The following TMEM182 variants were observed in gnomAD, a reference collection of about 807,000 sequenced individuals.
The protein encoded by TMEM182 is transmembrane protein 182.
A neutral mutation model predicts 26.8 loss-of-function variants in TMEM182; 20 were observed. That is an observed-to-expected ratio of 0.75 (90% CI 0.53 to 1.09). The LOEUF is 1.09. Among genes scored for constraint, TMEM182 ranks in the 50% least tolerant of loss-of-function variants. The probability of loss-of-function intolerance (pLI) is 0.00; values close to 1 mark genes in which losing one functional copy is unlikely to be tolerated. For synonymous variants in TMEM182, 109 were observed against 102.2 expected, an observed-to-expected ratio of 1.07 and a Z score of -0.40; for missense variants, 277 against 275.5, an observed-to-expected ratio of 1.01 and a Z score of -0.04.
rs747863593 is a variant in TMEM182 at position 102,814,883 on chromosome 2, T to C, written c.605T>C (p.Phe202Ser). The C allele has an allele frequency of 1.5e-5, 25 of 1,613,882 alleles. No individual in the cohort carries two copies. The highest frequency in any genetic ancestry group is 2.1e-5 in the Non-Finnish European group (25 of 1,179,964). Residue 202 changes from phenylalanine (F) to serine (S), a missense_variant, in exon 5 of 5, where the codon TTC (phenylalanine) becomes TCC (serine). Transcript: ENST00000412401. ...TCTGTTCTGTATGGCTGGTCATTTTTCCTGGCCCCAGCTGGGATATTTTTT... is the reference window on the plus strand; with the variant it reads ...TCTGTTCTGTATGGCTGGTCATTTTCCCTGGCCCCAGCTGGGATATTTTTT... ...TPSVLYGWSFFLAPAGIFFSL... is the reference protein window; with the variant it reads ...TPSVLYGWSFSLAPAGIFFSL...
At chr2:102,817,942 A>C (rs1682810542), downstream of TMEM182, among the ~76,000 whole-genome samples, 1 of 152,240 alleles carries the variant, frequency 6.6e-6, no homozygotes, top group South Asian at 2.1e-4. Flanking sequence ...TGGTTTATTC[A>C]GTTCAACACG....
At chr2:102,811,850 A>G (rs976985062) in intron 4 of TMEM182, among the ~76,000 whole-genome samples, 2 of 152,118 alleles carry the variant, frequency 1.3e-5, no homozygotes, top group African/African-American at 4.8e-5. Flanking sequence ...CTTGTATTTT[A>G]TGCCCCAGCC....
intron 1 of TMEM182, among the ~76,000 whole-genome samples, chr2:102,751,277 G>A (rs1679868211): frequency 6.6e-6 from 1 of 152,132 alleles, no homozygotes; most frequent in African/African-American, 2.4e-5. Flanking sequence ...GATTGGCATA[G>A]GGCACACAGA....
At chr2:102,773,067 A>G (rs145780556) in intron 3 of TMEM182, among the ~76,000 whole-genome samples, 1 of 152,230 alleles carries the variant, frequency 6.6e-6, no homozygotes, top group African/African-American at 2.4e-5. Flanking sequence ...ATGGTAGTTA[A>G]TATTATGCCA....
At chr2:102,834,811 T>C (rs1394492965) in intron 3 of TMEM182, among the ~76,000 whole-genome samples, 1 of 152,198 alleles carries the variant, frequency 6.6e-6, no homozygotes. Context: ...AAGCCAAGCA[T>C]CCTTCGTTAA....
At chr2:102,780,805 A>G (rs573736188) in intron 3 of TMEM182, among the ~76,000 whole-genome samples, 3 of 152,278 alleles carry the variant, frequency 2.0e-5, no homozygotes, top group African/African-American at 7.2e-5. Flanking sequence ...GTGGGACTGC[A>G]GTATTTTGTA....
intron 3 of TMEM182, among the ~76,000 whole-genome samples, chr2:102,827,723 A>T (rs2104772511): frequency 6.6e-6 from 1 of 152,332 alleles, no homozygotes; most frequent in South Asian, 2.1e-4. Context: ...TCATTACCCT[A>T]CACCAGACTG....
At chr2:102,758,279 T>G (rs1680107145), upstream of TMEM182, 1 of 511,194 alleles carries the variant, frequency 2.0e-6, no homozygotes, top group South Asian at 3.2e-5. Context: ...GTTTGTAAAT[T>G]TGTGAAGAAC....
At chr2:102,822,397 G>A (rs1358146899), downstream of TMEM182, among the ~76,000 whole-genome samples, 1 of 152,146 alleles carries the variant, frequency 6.6e-6, no homozygotes, top group Non-Finnish European at 1.5e-5. Flanking sequence ...ACGATGTTTC[G>A]AGAAGCGACT....
At chr2:102,774,247 T>C (rs188473603) in intron 3 of TMEM182, among the ~76,000 whole-genome samples, 1 of 134,380 alleles carries the variant, frequency 7.4e-6, no homozygotes, top group African/African-American at 3.0e-5. Context: ...ACTTTCTTTC[T>C]TTCTTTTTTT....
rs1682691246 is a variant in TMEM182, at chr2:102,814,944, A to G, written c.666A>G (p.Gly222=). The G allele has an allele frequency of 6.2e-7, 1 of 1,613,848 alleles. No individual in the cohort carries two copies. Among genetic ancestry groups the G allele is most frequent in the Non-Finnish European group, 8.5e-7 (1 of 1,179,946 alleles). ...LLAGLLFLVV[G]WHIQIHH is the part of the protein sequence containing the mutation. ...CTGGATTACTATTTCTGGTTGTTGG[A>G]TGGCATATTCAGATACATCACTAAA... Residue 222 remains glycine (G), a synonymous_variant, in exon 5 of 5, where the codon GGA becomes GGG. Transcript: ENST00000412401.
At chr2:102,820,773 A>T (rs796534899), downstream of TMEM182, among the ~76,000 whole-genome samples, 3 of 152,340 alleles carry the variant, frequency 2.0e-5, no homozygotes, top group African/African-American at 7.2e-5. Context: ...GAAGGGTCCA[A>T]TCATTCCAAG....
upstream of TMEM182, chr2:102,761,816 A>T (rs1680223532): frequency 1.1e-5 from 2 of 189,892 alleles, no homozygotes; most frequent in Non-Finnish European, 2.2e-5. Context: ...CAATGACTTC[A>T]TAACCATTCC....
chr2:102,788,975 T>C (rs1681520853), intron 3 of TMEM182, among the ~76,000 whole-genome samples: 1 of 152,188 alleles, frequency 6.6e-6, no homozygotes, highest in African/African-American at 2.4e-5. Flanking sequence ...ACTGTATTTT[T>C]AGACCTGCCC....
At position 102,786,401 on chromosome 2, in the gene TMEM182, G is replaced by C. The variant is rs534204333; in HGVS notation, c.332-11462G>C. On this transcript the variant is annotated intron_variant, in intron 3 of 4. Coordinates refer to ENST00000412401, the MANE Select transcript of TMEM182 (RefSeq NM_144632.5). ...GGCTAATTTTTGTGTTTTTAGAAGA[G>C]ACGAGGTTTCACCATCTTGGTCAGG... Among the ~76,000 whole-genome samples, 8 of 152,104 alleles carry C rather than the reference G, an allele frequency of 5.3e-5. No individual in the cohort carries two copies. The East Asian group carries it at 1.6e-3, about 30-fold the overall frequency.
chr2:102,818,029 G>C (rs1021217307), downstream of TMEM182, among the ~76,000 whole-genome samples: 5 of 152,186 alleles, frequency 3.3e-5, no homozygotes, highest in Non-Finnish European at 7.3e-5. Flanking sequence ...GTGTTAGGCA[G>C]ATATTGGATA....
chr2:102,798,034 A>C (rs1288411101), intron 4 of TMEM182, 34 bp downstream of exon 4: 2 of 1,573,902 alleles, frequency 1.3e-6, no homozygotes, highest in South Asian at 2.4e-5. Flanking sequence ...ACTTTCAGCC[A>C]CGGTTTTTCT....
intron 3 of TMEM182, among the ~76,000 whole-genome samples, chr2:102,769,582 C>T (rs1391547775): frequency 1.3e-5 from 2 of 152,064 alleles, no homozygotes; most frequent in South Asian, 4.2e-4. Flanking sequence ...CACACATTTC[C>T]CCATGTATTT....
At chr2:102,738,516 C>T (rs1258999574) in intron 1 of TMEM182, among the ~76,000 whole-genome samples, 3 of 152,032 alleles carry the variant, frequency 2.0e-5, no homozygotes, top group Non-Finnish European at 2.9e-5. Context: ...AGCTTGAACC[C>T]GGGAGGCAGA....
Sources: allele counts gnomAD v4.1 joint callset (sites outside exome capture counted in the v4.1 genomes callset), GRCh38; gene constraint gnomAD v4.1.1; transcripts MANE v1.5; gene names NCBI Gene and HGNC (gene_info 2026-07-23, HGNC 2026-07-21).